The following TMEM108 variants were observed in gnomAD, a reference collection of about 807,000 sequenced individuals.
TMEM108 encodes the protein cancer/testis antigen 124.
In TMEM108, 12 loss-of-function variants were observed where a neutral mutation model predicts 35.1. The ratio of observed to expected loss-of-function variants is 0.34; its 90% CI spans 0.22 to 0.55. The LOEUF is 0.55. Among genes scored for constraint, TMEM108 ranks in the 20% least tolerant of loss-of-function variants. TMEM108 has a pLI of 0.89. For synonymous variants in TMEM108, 287 were observed against 308.6 expected (o/e 0.93, Z 0.73); for missense variants, 680 against 753.3 (o/e 0.90, Z 1.14).
intron 2 of TMEM108, among the ~76,000 whole-genome samples, chr3:133,073,066 C>T (rs541059910): frequency 1.2e-3 from 178 of 152,112 alleles, no homozygotes; most frequent in African/African-American, 4.1e-3. Flanking sequence ...AATATGTATA[C>T]ATTGTGGAAT....
intron 3 of TMEM108, among the ~76,000 whole-genome samples, chr3:133,335,876 G>C (rs962281385): frequency 1.3e-5 from 2 of 152,178 alleles, no homozygotes; most frequent in Non-Finnish European, 2.9e-5. Flanking sequence ...GCACGGCACG[G>C]AGAAAGAATC....
At chr3:133,323,050 A>G (rs994326267) in intron 3 of TMEM108, among the ~76,000 whole-genome samples, 7 of 152,188 alleles carry the variant, frequency 4.6e-5, no homozygotes, top group African/African-American at 1.2e-4. Flanking sequence ...CACAGCCAAC[A>G]TTATACTGAA....
chr3:133,066,116 CA>C (rs1943603443), intron 2 of TMEM108, among the ~76,000 whole-genome samples: 3 of 152,052 alleles, frequency 2.0e-5, no homozygotes, highest in Admixed American at 2.0e-4. Context: ...ATTAGATTCC[CA>C]TTGGTCTAAG....
chr3:133,246,270 T>C (rs1387770888), intron 3 of TMEM108: 1 of 152,222 alleles, frequency 6.6e-6, no homozygotes, highest in African/African-American at 2.4e-5. Context: ...GTTTTGAAGT[T>C]CCTTAGCCCT....
intron 4 of TMEM108, chr3:133,388,196 C>T (rs1020998979): frequency 1.1e-4 from 112 of 985,328 alleles, no homozygotes; most frequent in Non-Finnish European, 1.3e-4. Context: ...TTCTGTCACA[C>T]CAGCTAGAAC....
chr3:133,383,845 T>A (rs2073076711), intron 4 of TMEM108, among the ~76,000 whole-genome samples: 1 of 152,146 alleles, frequency 6.6e-6, no homozygotes, highest in Non-Finnish European at 1.5e-5. Flanking sequence ...CACACCCCAC[T>A]CCCTTTGATG....
At chr3:133,347,787 G>A (rs756198411) in intron 3 of TMEM108, among the ~76,000 whole-genome samples, 1 of 152,012 alleles carries the variant, frequency 6.6e-6, no homozygotes, top group Non-Finnish European at 1.5e-5. Flanking sequence ...GAGTGACTAT[G>A]TAGAATATAT....
chr3:133,296,039 A>C (rs1051094156), intron 3 of TMEM108, among the ~76,000 whole-genome samples: 14 of 152,134 alleles, frequency 9.2e-5, no homozygotes, highest in Admixed American at 1.3e-4. Flanking sequence ...TTTTCCCCCC[A>C]AAAAAAGTAT....
chr3:133,345,749 T>C (rs936041915), intron 3 of TMEM108, among the ~76,000 whole-genome samples: 1 of 151,994 alleles, frequency 6.6e-6, no homozygotes, highest in Non-Finnish European at 1.5e-5. Context: ...TGAAAGGCAA[T>C]ATTGCTTGAA....
At chr3:133,042,560 A>T (rs997264091) in intron 1 of TMEM108, among the ~76,000 whole-genome samples, 21 of 152,250 alleles carry the variant, frequency 1.4e-4, no homozygotes, top group African/African-American at 5.1e-4. Context: ...TCTGAAGACT[A>T]AAAATTATTT....
intron 2 of TMEM108, among the ~76,000 whole-genome samples, chr3:133,148,322 G>A (rs1379082645): frequency 6.6e-6 from 1 of 152,164 alleles, no homozygotes; most frequent in Non-Finnish European, 1.5e-5. Context: ...CAATCTGAAA[G>A]AACATCTAAT....
chr3:133,081,556 G>C (rs1423010315), intron 2 of TMEM108, among the ~76,000 whole-genome samples: 2 of 152,158 alleles, frequency 1.3e-5, no homozygotes, highest in African/African-American at 4.8e-5. Context: ...ATCCATTCTT[G>C]CTATATGGAA....
intron 3 of TMEM108, among the ~76,000 whole-genome samples, chr3:133,334,301 A>G (rs2071448762): frequency 6.6e-6 from 1 of 152,182 alleles, no homozygotes; most frequent in East Asian, 1.9e-4. Context: ...TTGAGGAGAC[A>G]CTTGATACCC....
At chr3:133,184,245 A>T (rs567647306) in intron 2 of TMEM108, among the ~76,000 whole-genome samples, 23 of 152,366 alleles carry the variant, frequency 1.5e-4, no homozygotes, top group African/African-American at 2.2e-4. Context: ...ACTAATTTTT[A>T]AAAAATGATT....
intron 2 of TMEM108, among the ~76,000 whole-genome samples, chr3:133,160,421 C>T (rs945430603): frequency 6.6e-6 from 1 of 152,176 alleles, no homozygotes; most frequent in Non-Finnish European, 1.5e-5. Context: ...CTGTCAGGAA[C>T]CAGACAAGGC....
chr3:133,386,516 T>C, intron 4 of TMEM108: 3 of 1,534,354 alleles, frequency 2.0e-6, no homozygotes, highest in Non-Finnish European at 2.6e-6. Flanking sequence ...CTTCTTCCTG[T>C]CACACATCTG....
chr3:133,225,693 G>GC (rs1946060112), intron 2 of TMEM108, among the ~76,000 whole-genome samples: 1 of 57,994 alleles, frequency 1.7e-5, no homozygotes, highest in South Asian at 6.9e-4. Flanking sequence ...TTGGAGGGGG[G>GC]TAAAAAAAAA....
intron 2 of TMEM108, among the ~76,000 whole-genome samples, chr3:133,060,864 A>C (rs777778721): frequency 2.6e-5 from 4 of 152,240 alleles, no homozygotes; most frequent in Non-Finnish European, 4.4e-5. Context: ...ACTAGAAATA[A>C]CCTAAATACC....
intron 2 of TMEM108, among the ~76,000 whole-genome samples, chr3:133,124,125 G>A (rs1944386475): frequency 6.6e-6 from 1 of 152,164 alleles, no homozygotes; most frequent in Non-Finnish European, 1.5e-5. Context: ...AGGGTACCCA[G>A]ATTAGATTAT....
Sources: gnomAD v4.1 joint callset for allele counts (sites outside exome capture counted in the v4.1 genomes callset) on GRCh38, gnomAD v4.1.1 for gene constraint, MANE v1.5 for transcripts, NCBI Gene and HGNC (gene_info 2026-07-23, HGNC 2026-07-21) for gene names.